PAX7: variants seen among roughly 807,000 people sequenced by gnomAD.
The protein encoded by PAX7 is paired box protein Pax-7.
Under a neutral mutation model 50.7 loss-of-function variants are expected in PAX7, and 18 were observed. The observed-to-expected ratio is 0.36, with a 90% confidence interval of 0.25 to 0.53. The LOEUF (loss-of-function observed/expected upper bound fraction) is 0.53, where lower values mean the gene tolerates loss of function less well. Ranked by LOEUF, PAX7 falls within the 20% of genes least tolerant of loss-of-function variation. The probability of loss-of-function intolerance (pLI) is 0.93; values close to 1 mark genes in which losing one functional copy is unlikely to be tolerated. For missense variants in PAX7, 644 were observed against 702.9 expected, an observed-to-expected ratio of 0.92 and a Z score of 0.95; for synonymous variants, 310 against 290.4, an observed-to-expected ratio of 1.07 and a Z score of -0.69.
Position 18,687,080 on chromosome 1 carries a change from G to A in PAX7, c.587-4674G>A, listed in dbSNP as rs183200839. On this transcript the variant is annotated intron_variant, in intron 4 of 8. Coordinates refer to ENST00000420770, the MANE Select transcript of PAX7 (RefSeq NM_001135254.2). ...TAATTTTTGTATTTTTAGTAGAGAC[G>A]GGGTTTCACCATGTTGCCCAGGGTG... Among the ~76,000 whole-genome samples, 41 of 151,540 alleles carry A rather than the reference G, an allele frequency of 2.7e-4. 1 individual carries two copies. In the East Asian group the frequency reaches 7.4e-3, roughly 27 times the overall value.
At chr1:18,741,160 A>T (rs1931110604) in intron 8 of PAX7, among the ~76,000 whole-genome samples, 1 of 152,172 alleles carries the variant, frequency 6.6e-6, no homozygotes, top group South Asian at 2.1e-4. Context: ...AGAAATGATA[A>T]ATACTGGGCC....
intron 7 of PAX7, among the ~76,000 whole-genome samples, chr1:18,717,589 T>C (rs917276969): frequency 3.9e-5 from 6 of 152,196 alleles, no homozygotes; most frequent in Non-Finnish European, 7.4e-5. Flanking sequence ...GCCCCTTGTA[T>C]TCCCCTGGGT....
chr1:18,666,376 T>A (rs1557518082), intron 4 of PAX7, among the ~76,000 whole-genome samples: 1 of 152,192 alleles, frequency 6.6e-6, no homozygotes, highest in African/African-American at 2.4e-5. Flanking sequence ...GAACTTGCTG[T>A]GATCTGTGGG....
At position 18,692,117 on chromosome 1, in the gene PAX7, T is replaced by G. The variant is rs11582140; in HGVS notation, c.786+164T>G. 1.2e-3 allele frequency among the ~76,000 whole-genome samples: 175 copies of G among 151,844 alleles called. 2 individuals are homozygous for G. Among genetic ancestry groups the G allele is most frequent in the African/African-American group, 4.0e-3 (164 of 41,378 alleles). On this transcript the variant is annotated intron_variant, in intron 5 of 8. Coordinates refer to ENST00000420770, the MANE Select transcript of PAX7 (RefSeq NM_001135254.2). ...CCACCAGCATTTGATGCAGAGTTAG[T>G]TGGCAGCAAATGTTGGTTGACTGAG... is the stretch of plus-strand genomic sequence containing the variant.
At chr1:18,692,560 AGAAG>A (rs1347679418) in intron 5 of PAX7, among the ~76,000 whole-genome samples, 7 of 147,518 alleles carry the variant, frequency 4.7e-5, no homozygotes, top group Admixed American at 2.7e-4. Context: ...AAAGAAAGAA[AGAAG>A]GGAGGGAGGG....
At chr1:18,729,079 G>A (rs1053423236) in intron 7 of PAX7, among the ~76,000 whole-genome samples, 1 of 152,184 alleles carries the variant, frequency 6.6e-6, no homozygotes, top group Non-Finnish European at 1.5e-5. Context: ...GAGCTGGGCT[G>A]CCACAGGTCA....
intron 7 of PAX7, among the ~76,000 whole-genome samples, chr1:18,704,886 C>A (rs1189804176): frequency 1.3e-5 from 2 of 152,152 alleles, no homozygotes; most frequent in Admixed American, 6.5e-5. Flanking sequence ...CCTCAATTTT[C>A]TCATCTATGA....
chr1:18,656,633 G>A (rs2088526138), intron 4 of PAX7, among the ~76,000 whole-genome samples: 1 of 152,118 alleles, frequency 6.6e-6, no homozygotes, highest in African/African-American at 2.4e-5. Flanking sequence ...CTAGATCACA[G>A]ACCATTTCCC....
intron 4 of PAX7, among the ~76,000 whole-genome samples, chr1:18,674,144 G>C (rs1004853631): frequency 5.3e-5 from 8 of 152,236 alleles, no homozygotes; most frequent in Non-Finnish European, 1.2e-4. Flanking sequence ...ACAAATGTCT[G>C]TTGAGCAATT....
At chr1:18,703,034 A>G in intron 6 of PAX7, 60 bp from the exon 7 acceptor site, 3 of 1,500,528 alleles carry the variant, frequency 2.0e-6, no homozygotes, top group Non-Finnish European at 2.8e-6. Flanking sequence ...TTCTGCTCTC[A>G]GAGGCCCAGC....
At chr1:18,727,711 C>T (rs544530840) in intron 7 of PAX7, among the ~76,000 whole-genome samples, 15 of 152,262 alleles carry the variant, frequency 9.9e-5, no homozygotes, top group African/African-American at 3.4e-4. Context: ...CTTAGAAAAG[C>T]GTTCATGGAG....
chr1:18,693,591 G>C (rs2089107872), intron 5 of PAX7, among the ~76,000 whole-genome samples: 1 of 152,150 alleles, frequency 6.6e-6, no homozygotes, highest in South Asian at 2.1e-4. Context: ...TCCGCCCCCT[G>C]TCCTCACTCC....
At chr1:18,679,239 C>G (rs2088864329) in intron 4 of PAX7, among the ~76,000 whole-genome samples, 1 of 152,136 alleles carries the variant, frequency 6.6e-6, no homozygotes, top group Admixed American at 6.5e-5. Flanking sequence ...GTTACATGGA[C>G]AGAGGGACGA....
Position 18,735,757 on chromosome 1 carries a change from C to A in PAX7, c.1281C>A (p.Ala427=). ...TSISASCSQR[A]DSIKPGDSLP... is the part of the protein sequence containing the mutation. ...TCTCAGCCAGCTGCAGCCAGCGGGC[C>A]GACTCCATCAAGCCAGGAGACAGCC... is the stretch of plus-strand genomic sequence containing the variant. The change falls in exon 8 of 9, where the codon GCC becomes GCA. Residue 427 remains alanine (A), a synonymous_variant. Coordinates refer to ENST00000420770, the MANE Select transcript of PAX7 (RefSeq NM_001135254.2). The surrounding 1 kb of genome is among the most constrained non-coding windows in gnomAD (Gnocchi z 4.0). 6.2e-7 allele frequency: 1 copy of A among 1,614,100 alleles called. No homozygotes were observed. The highest frequency in any genetic ancestry group is 2.2e-5 in the East Asian group (1 of 44,882).
At chr1:18,696,393 G>A (rs961054864) in intron 5 of PAX7, among the ~76,000 whole-genome samples, 1 of 152,152 alleles carries the variant, frequency 6.6e-6, no homozygotes, top group African/African-American at 2.4e-5. Context: ...TATGTGCCAG[G>A]CATGATGGCT....
intron 7 of PAX7, among the ~76,000 whole-genome samples, chr1:18,711,869 C>G (rs2089355897): frequency 6.6e-6 from 1 of 152,174 alleles, no homozygotes; most frequent in African/African-American, 2.4e-5. Flanking sequence ...AGCCGAATGA[C>G]ATTTTTCAGT....
chr1:18,726,006 G>T lies in PAX7; in HGVS notation c.1156-9626G>T, dbSNP rs545472246. 8.6e-5 allele frequency among the ~76,000 whole-genome samples: 13 copies of T among 150,732 alleles called. No individual in the cohort carries two copies. Among genetic ancestry groups the T allele is most frequent in the South Asian group, 4.2e-4 (2 of 4,738 alleles). On this transcript the variant is annotated intron_variant, in intron 7 of 8. Transcript: ENST00000420770. The surrounding 1 kb of genome is among the most constrained non-coding windows in gnomAD (Gnocchi z 4.8). ...TGTGTGTGTGTGTGCGCGCGCGCGC[G>T]TGCGCGCGTGTGTGTGCGTGTGTTT...
chr1:18,686,901 TA>T (rs202217688), intron 4 of PAX7, among the ~76,000 whole-genome samples: 1 of 149,578 alleles, frequency 6.7e-6, no homozygotes, highest in Admixed American at 6.6e-5. Flanking sequence ...TTATTATTAT[TA>T]TTTTTTGAGA....
At chr1:18,637,092 C>T (rs75109727) in intron 4 of PAX7, among the ~76,000 whole-genome samples, 3,576 of 152,232 alleles carry the variant, frequency 0.023, 91 homozygotes, top group East Asian at 0.13. Flanking sequence ...CTTAGCACGG[C>T]TTCCGCGGGC....
Sources: gnomAD v4.1 joint callset for allele counts (sites outside exome capture counted in the v4.1 genomes callset) on GRCh38, gnomAD v4.1.1 for gene constraint, Gnocchi (gnomAD v3.1) non-coding constraint, MANE v1.5 for transcripts, NCBI Gene and HGNC (gene_info 2026-07-23, HGNC 2026-07-21) for gene names.